Variants in KRT73 observed in about 807,000 individuals in gnomAD.
KRT73 encodes keratin 73.
In KRT73, 44 loss-of-function variants were observed where a neutral mutation model predicts 47.2. The observed-to-expected ratio is 0.93, with a 90% confidence interval of 0.73 to 1.20. KRT73 has a LOEUF of 1.20. KRT73 is among the 50% of genes most tolerant of loss of function. KRT73 has a pLI of 0.00. For synonymous variants in KRT73, 285 were observed against 291.3 expected, an observed-to-expected ratio of 0.98 and a Z score of 0.22; for missense variants, 713 against 704.5, an observed-to-expected ratio of 1.01 and a Z score of -0.14.
Position 52,613,690 on chromosome 12 carries a change from T to A in KRT73, c.982A>T (p.Lys328Ter). Reference protein sequence around the residue: ...KAEAEALYQTKFQELQLAAGR... With the variant: ...KAEAEALYQT ...TATGGGGAGTTTTGCGGCCTCACCT[T>A]GGTCTGGTACAGGGCCTCGGCCTCG... Residue 328 changes from lysine to a stop codon, truncating the protein, a stop_gained and splice_region_variant, in exon 5 of 9, where the codon AAG becomes TAG. Transcript: ENST00000305748. LOFTEE classifies it high-confidence loss of function. 3 of 1,614,052 alleles carry A rather than the reference T, an allele frequency of 1.9e-6. No individual in the cohort carries two copies. The highest frequency in any genetic ancestry group is 2.5e-6 in the Non-Finnish European group (3 of 1,179,950).
intron 6 of KRT73, 129 bp downstream of exon 6, chr12:52,611,075 A>G: frequency 8.2e-7 from 1 of 1,216,702 alleles, no homozygotes. Context: ...AGGGTGAGGG[A>G]TGAGAGCAGG....
At chr12:52,619,824 T>G (rs1431773276), upstream of KRT73, among the ~76,000 whole-genome samples, 1 of 152,176 alleles carries the variant, frequency 6.6e-6, no homozygotes, top group African/African-American at 2.4e-5. Context: ...ATATCCATAG[T>G]ATAGAATTTC....
chr12:52,615,051 T>G, intron 3 of KRT73: 1 of 536,620 alleles, frequency 1.9e-6, no homozygotes, highest in Non-Finnish European at 3.3e-6. Context: ...AGAGGGGACA[T>G]GAGTTGGGAC....
Position 52,609,296 on chromosome 12 carries a change from A to T in KRT73, c.1332-15T>A, listed in dbSNP as rs760960413. On this transcript the variant is annotated splice_polypyrimidine_tract_variant and intron_variant, in intron 7 of 8. Transcript: ENST00000305748. ...CTCCGGACATCCTGCAAGAGAGAAAAGCACAGGAGAGTCTGAATCACGTGG... is the reference window on the plus strand; with the variant it reads ...CTCCGGACATCCTGCAAGAGAGAAATGCACAGGAGAGTCTGAATCACGTGG... The T allele has an allele frequency of 9.9e-6, 16 of 1,612,302 alleles. No individual in the cohort carries two copies. The highest frequency in any genetic ancestry group is 1.3e-5 in the Non-Finnish European group (15 of 1,178,502).
chr12:52,620,323 C>T (rs1016933827), upstream of KRT73, among the ~76,000 whole-genome samples: 2 of 152,018 alleles, frequency 1.3e-5, no homozygotes, highest in Non-Finnish European at 1.5e-5. Flanking sequence ...AGGCTGGTCT[C>T]GGTCTCCCAA....
At chr12:52,617,976 A>T in intron 1 of KRT73, 102 bp downstream of exon 1, 1 of 1,305,652 alleles carries the variant, frequency 7.7e-7, no homozygotes, top group South Asian at 1.4e-5. Flanking sequence ...GGAGAAAATG[A>T]TTTCTTGCTC....
At position 52,607,898 on chromosome 12, in the gene KRT73, C is replaced by T; in HGVS notation, c.*298G>A. The T allele has an allele frequency of 3.2e-6, 1 of 316,560 alleles. No homozygotes were observed. The highest frequency in any genetic ancestry group is 7.4e-5 in the South Asian group (1 of 13,502). 19.6% of individuals were successfully genotyped at this position (316,560 alleles called of 1,614,324 possible). On this transcript the variant is annotated 3_prime_UTR_variant, in exon 9 of 9. Coordinates refer to ENST00000305748, the MANE Select transcript of KRT73 (RefSeq NM_175068.3). ...GCAGATTGGGGTTACCCTTGAGAGA[C>T]AGCCTTCCTCTGCACAGGGACATGC...
At chr12:52,626,839 T>G in the KRT73 span, among the ~76,000 whole-genome samples, 1 of 152,256 alleles carries the variant, frequency 6.6e-6, no homozygotes, top group African/African-American at 2.4e-5. Context: ...TGCCTGGGCT[T>G]ATTGGGTTCT....
intron 3 of KRT73, 144 bp from the exon 4 acceptor site, chr12:52,614,818 A>G: frequency 1.6e-6 from 1 of 632,536 alleles, no homozygotes; most frequent in South Asian, 2.1e-5. Flanking sequence ...TCCAGCCACA[A>G]CTTCACTGTC....
chr12:52,612,533 C>T (rs1940723235), intron 5 of KRT73: 1 of 152,194 alleles, frequency 6.6e-6, no homozygotes, highest in Non-Finnish European at 1.5e-5. Flanking sequence ...CTTCTCTCTT[C>T]ACTCCTTGTA....
Position 52,618,179 on chromosome 12 carries a change from G to T in KRT73, c.346C>A (p.Pro116Thr). 3.1e-6 allele frequency: 5 copies of T among 1,614,044 alleles called. No homozygotes were observed. Among genetic ancestry groups the T allele is most frequent in the Non-Finnish European group, 4.2e-6 (5 of 1,179,976 alleles). The change falls in exon 1 of 9, where the codon CCC becomes ACC. Residue 116 changes from proline (P) to threonine (T), a missense_variant. Pro to Thr is a conservative substitution (Grantham distance 38). Coordinates refer to ENST00000305748, the MANE Select transcript of KRT73 (RefSeq NM_175068.3). Reference protein sequence around the residue: ...QVTINKSLLAPLNVELDPEIQ... With the variant: ...QVTINKSLLATLNVELDPEIQ... The stretch of plus-strand genomic sequence containing the variant: ...TCAGGGTCCAGCTCCACGTTCAGGG[G>T]TGCCAGGAGGCTCTTGTTGATGGTG...
chr12:52,616,078 C>T, intron 2 of KRT73, 88 bp downstream of exon 2: 1 of 1,514,016 alleles, frequency 6.6e-7, no homozygotes, highest in Non-Finnish European at 9.1e-7. Context: ...GAACCCAATA[C>T]CTCCAAGGCC....
Position 52,616,399 on chromosome 12 carries a change from A to G in KRT73, c.448-19T>C, listed in dbSNP as rs781143518. The G allele has an allele frequency of 1.2e-6, 2 of 1,613,676 alleles. No individual in the cohort carries two copies. The highest frequency in any genetic ancestry group is 1.1e-5 in the South Asian group (1 of 91,052). Reference sequence around the variant, plus strand: ...ACCGCACCTGGAACCCATGCCACACATACTTAAGCAATGTGGAGAGGGGAT... The same window carrying G: ...ACCGCACCTGGAACCCATGCCACACGTACTTAAGCAATGTGGAGAGGGGAT... On this transcript the variant is annotated intron_variant, in intron 1 of 8. Coordinates refer to ENST00000305748, the MANE Select transcript of KRT73 (RefSeq NM_175068.3).
intron 4 of KRT73, chr12:52,614,102 G>A (rs958341548): frequency 4.4e-6 from 2 of 453,374 alleles, no homozygotes; most frequent in South Asian, 3.8e-5. Flanking sequence ...GACAGGAGTG[G>A]GGAAGGTGGA....
At chr12:52,612,241 T>C (rs1207626083) in intron 5 of KRT73, 1 of 152,204 alleles carries the variant, frequency 6.6e-6, no homozygotes, top group African/African-American at 2.4e-5. Context: ...GTGTGCATGA[T>C]GGGGGTGGAT....
At chr12:52,614,130 C>T in intron 4 of KRT73, 1 of 400,006 alleles carries the variant, frequency 2.5e-6, no homozygotes, top group Non-Finnish European at 4.5e-6. Flanking sequence ...AGCCTGGCTG[C>T]CACACATGGG....
Position 52,618,234 on chromosome 12 carries a change from C to T in KRT73, c.291G>A (p.Ser97=), listed in dbSNP as rs142655706. 6.5e-5 allele frequency: 105 copies of T among 1,614,046 alleles called. No homozygotes were observed. The African/African-American group carries it at 1.1e-3, about 16-fold the overall frequency. Residue 97 remains serine, a synonymous_variant, in exon 1 of 9, where the codon TCG becomes TCA. Transcript: ENST00000305748. ...GATGGATACCCCCGGGCGGGCACAA[C>T]GACGGACACACGGACCCCAAGGCCA... The part of the protein sequence containing the change: ...GSVALGSVCP[S]LCPPGGIHQV...
the KRT73 span, among the ~76,000 whole-genome samples, chr12:52,626,942 A>G: frequency 6.6e-6 from 1 of 152,254 alleles, no homozygotes; most frequent in East Asian, 1.9e-4. Context: ...TCTTGTCCTG[A>G]TCTTGCCCCA....
intron 7 of KRT73, chr12:52,610,386 G>A (rs1366861952): frequency 5.5e-6 from 3 of 541,926 alleles, no homozygotes; most frequent in East Asian, 3.3e-5. Flanking sequence ...CATCTGAGAG[G>A]TGTTAAAGAC....
Sources: allele counts gnomAD v4.1 joint callset (sites outside exome capture counted in the v4.1 genomes callset), GRCh38; gene constraint gnomAD v4.1.1; transcripts MANE v1.5; gene names NCBI Gene and HGNC (gene_info 2026-07-23, HGNC 2026-07-21).